The following KDM4C variants were observed in gnomAD, a reference collection of about 807,000 sequenced individuals.
The protein encoded by KDM4C is lysine demethylase 4C, also known as lysine-specific demethylase 4C.
KDM4C carries 81 observed loss-of-function variants against 129.3 expected under a neutral mutation model. The ratio of observed to expected loss-of-function variants is 0.63; its 90% CI spans 0.52 to 0.75. The LOEUF is 0.75. Ranked by LOEUF, KDM4C falls within the 30% of genes least tolerant of loss-of-function variation. The pLI is 0.00. For synonymous variants in KDM4C, 573 were observed against 456.1 expected, an observed-to-expected ratio of 1.26 and a Z score of -3.26; for missense variants, 1,457 against 1,304.0, an observed-to-expected ratio of 1.12 and a Z score of -1.81.
At chr9:7,067,868 TC>T (rs1832654166) in intron 17 of KDM4C, among the ~76,000 whole-genome samples, 3 of 152,098 alleles carry the variant, frequency 2.0e-5, no homozygotes, top group African/African-American at 4.8e-5. Context: ...CGATCTTGGC[TC>T]ACTGCAAGCT....
intron 19 of KDM4C, among the ~76,000 whole-genome samples, chr9:7,152,566 G>A (rs926390861): frequency 6.6e-6 from 1 of 152,220 alleles, no homozygotes; most frequent in Non-Finnish European, 1.5e-5. Context: ...AGGAGTTAGT[G>A]TTTAATGAGT....
In KDM4C at chr9:7,174,846, A is replaced by G; in HGVS notation, c.*117A>G. On this transcript the variant is annotated 3_prime_UTR_variant, in exon 22 of 22. Coordinates refer to ENST00000381309, the MANE Select transcript of KDM4C (RefSeq NM_015061.6). ...GCATAGGTGACAGGGTGTGTCTCTG[A>G]CAGTGGTAAATCGGGTTTCCAGAGT... 2 of 825,268 alleles carry G rather than the reference A, an allele frequency of 2.4e-6. No homozygotes were observed. Among genetic ancestry groups the G allele is most frequent in the Non-Finnish European group, 1.9e-6 (1 of 522,366 alleles). 51.1% of individuals were successfully genotyped at this position (825,268 alleles called of 1,614,324 possible).
intron 15 of KDM4C, among the ~76,000 whole-genome samples, chr9:7,030,979 A>T (rs1410644604): frequency 3.3e-5 from 5 of 152,122 alleles, no homozygotes; most frequent in Admixed American, 2.0e-4. Flanking sequence ...ACTCTGCAGA[A>T]TCATAAAGAA....
chr9:6,794,180 G>C (rs1827288549), intron 2 of KDM4C, among the ~76,000 whole-genome samples: 2 of 152,252 alleles, frequency 1.3e-5, no homozygotes, highest in Non-Finnish European at 2.9e-5. Flanking sequence ...CCAGGTGCTA[G>C]AGGTAGGGAT....
intron 1 of KDM4C, among the ~76,000 whole-genome samples, chr9:6,791,330 C>T (rs1826568515): frequency 6.6e-6 from 1 of 152,150 alleles, no homozygotes; most frequent in Admixed American, 6.5e-5. Flanking sequence ...CCGGGGTGGT[C>T]TTGAACTCCT....
At chr9:6,981,794 T>A (rs1356810447) in intron 9 of KDM4C, 2 of 244,618 alleles carry the variant, frequency 8.2e-6, no homozygotes, top group African/African-American at 4.5e-5. Context: ...GTTTTCCAAT[T>A]TTATGTTAAA....
At chr9:6,919,247 T>TTTCTTTCTTTCTTTCTTTCTTTTCTTTTC in intron 8 of KDM4C, among the ~76,000 whole-genome samples, 1 of 106,292 alleles carries the variant, frequency 9.4e-6, no homozygotes, top group Non-Finnish European at 2.0e-5. Context: ...TCTTTCTTTC[T>TTTCTTTCTTTCTTTCTTTCTTTTCTTTTC]TTTCTTTCTT....
rs147868042 is a variant in KDM4C, at chr9:6,887,978, C to G, written c.698C>G (p.Ser233Cys). 554 of 1,610,400 alleles carry G rather than the reference C, an allele frequency of 3.4e-4. No homozygotes were observed. The highest frequency in any genetic ancestry group is 4.5e-4 in the Admixed American group (27 of 59,948). ...RLAQGFFPSS[S>C]QGCDAFLRHK... ...TTTTTAGGTTTTTTCCCAAGCAGCT[C>G]CCAAGGGTGTGATGCATTTCTTCGC... is the stretch of plus-strand genomic sequence containing the variant. The change falls in exon 7 of 22, where the codon TCC (serine) becomes TGC (cysteine). Residue 233 changes from serine to cysteine, a missense_variant. Physicochemically the swap from Ser to Cys is moderately radical, Grantham distance 112. Transcript: ENST00000381309.
intron 1 of KDM4C, among the ~76,000 whole-genome samples, chr9:6,749,203 G>T (rs949514595): frequency 6.6e-6 from 1 of 152,104 alleles, no homozygotes; most frequent in Admixed American, 6.6e-5. Context: ...ATTTTTAGTA[G>T]AAATGGGGTT....
intron 5 of KDM4C, among the ~76,000 whole-genome samples, chr9:6,855,428 C>T (rs1042239434): frequency 7.9e-6 from 1 of 126,250 alleles, no homozygotes; most frequent in African/African-American, 3.1e-5. Flanking sequence ...CACTGCACTC[C>T]AGCCTGGGGA....
intron 17 of KDM4C, among the ~76,000 whole-genome samples, chr9:7,073,057 G>C (rs893338256): frequency 3.3e-5 from 5 of 152,116 alleles, no homozygotes; most frequent in African/African-American, 9.7e-5. Context: ...AAGTGTTTTG[G>C]GAGATGAGAG....
intron 1 of KDM4C, among the ~76,000 whole-genome samples, chr9:6,751,286 A>G (rs934730196): frequency 6.6e-6 from 1 of 152,086 alleles, no homozygotes; most frequent in Non-Finnish European, 1.5e-5. Flanking sequence ...TCTCTACAAA[A>G]AATACAAAAA....
chr9:7,035,824 A>G (rs1229474774), intron 15 of KDM4C, among the ~76,000 whole-genome samples: 1 of 152,048 alleles, frequency 6.6e-6, no homozygotes, highest in Admixed American at 6.6e-5. Flanking sequence ...TGGGCTCTCT[A>G]TTCTGTTCCC....
intron 18 of KDM4C, among the ~76,000 whole-genome samples, chr9:7,121,796 C>G (rs1229813144): frequency 2.6e-5 from 4 of 151,268 alleles, no homozygotes; most frequent in Non-Finnish European, 5.9e-5. Flanking sequence ...TCCATTCAAT[C>G]AATGGAAGGC....
chr9:6,916,661 T>A (rs576981131), intron 8 of KDM4C, among the ~76,000 whole-genome samples: 2 of 152,360 alleles, frequency 1.3e-5, no homozygotes, highest in African/African-American at 4.8e-5. Flanking sequence ...ATAATTTATA[T>A]GTGTGAATAA....
intron 1 of KDM4C, among the ~76,000 whole-genome samples, chr9:6,749,799 C>T (rs1818009328): frequency 6.6e-6 from 1 of 150,902 alleles, no homozygotes; most frequent in East Asian, 2.0e-4. Flanking sequence ...CCAGCCTGAC[C>T]AACATGGTGA....
chr9:7,101,302 T>G (rs1007782530), intron 17 of KDM4C, among the ~76,000 whole-genome samples: 8 of 152,186 alleles, frequency 5.3e-5, no homozygotes, highest in African/African-American at 1.9e-4. Context: ...CCAGGTATCT[T>G]TAGGCATCAA....
chr9:6,890,468 A>G (rs1845958205), intron 7 of KDM4C, among the ~76,000 whole-genome samples: 1 of 152,174 alleles, frequency 6.6e-6, no homozygotes, highest in Non-Finnish European at 1.5e-5. Flanking sequence ...ATATTCATAC[A>G]TATGTATGAA....
At position 7,128,155 on chromosome 9, in the gene KDM4C, G is replaced by C; in HGVS notation, c.2700G>C (p.Met900Ile). ...CCCGGTATTACAGTTGCAGAGTGAT[G>C]GCTGTGACATCGCAGACCTTCTATG... ...RNTRYYSCRV[M>I]AVTSQTFYEV... Residue 900 changes from methionine to isoleucine, a missense_variant, in exon 19 of 22, where the codon ATG becomes ATC. Physicochemically the swap from Met to Ile is conservative, Grantham distance 10 (BLOSUM62 1). Transcript: ENST00000381309. 6.2e-7 allele frequency: 1 copy of C among 1,613,134 alleles called. No homozygotes were observed. The highest frequency in any genetic ancestry group is 8.5e-7 in the Non-Finnish European group (1 of 1,179,614).
Sources: allele counts gnomAD v4.1 joint callset (sites outside exome capture counted in the v4.1 genomes callset), GRCh38; gene constraint gnomAD v4.1.1; transcripts MANE v1.5; gene names NCBI Gene and HGNC (gene_info 2026-07-23, HGNC 2026-07-21).